GTF2E2: variants seen among roughly 807,000 people sequenced by gnomAD.
GTF2E2 encodes transcription initiation factor IIE subunit beta.
GTF2E2 carries 21 observed loss-of-function variants against 40.5 expected under a neutral mutation model. The ratio of observed to expected loss-of-function variants is 0.52; its 90% CI spans 0.37 to 0.75. GTF2E2 has a LOEUF of 0.75. Ranked by LOEUF, GTF2E2 falls within the 30% of genes least tolerant of loss-of-function variation. The probability of loss-of-function intolerance (pLI) is 0.00; values close to 1 mark genes in which losing one functional copy is unlikely to be tolerated. For synonymous variants in GTF2E2, 117 were observed against 121.6 expected (o/e 0.96, Z 0.25); for missense variants, 298 against 338.4 (o/e 0.88, Z 0.94).
Position 30,607,117 on chromosome 8 carries a change from G to T in GTF2E2, c.583C>A (p.Pro195Thr). The T allele has an allele frequency of 6.7e-7, 1 of 1,482,602 alleles. No individual in the cohort carries two copies. The highest frequency in any genetic ancestry group is 9.3e-7 in the Non-Finnish European group (1 of 1,075,400). The allele number at this position is 1,482,602 out of a possible 1,614,324, so 91.8% of individuals were successfully genotyped here. The part of the protein sequence containing the change: ...LGDQILFVNR[P>T]DKKKILFFND... ...AAGAAAAGTATTTTCTTCTTATCGG[G>T]ACGATTTACAAATAGTATCTGGTCC... Residue 195 changes from proline (P) to threonine (T), a missense_variant, in exon 6 of 8, where the codon CCC becomes ACC. Pro to Thr is a conservative substitution (Grantham distance 38). Coordinates refer to ENST00000355904, the MANE Select transcript of GTF2E2 (RefSeq NM_002095.6).
intron 2 of GTF2E2, among the ~76,000 whole-genome samples, chr8:30,641,507 C>T (rs1050144544): frequency 2.0e-5 from 3 of 152,108 alleles, no homozygotes; most frequent in Admixed American, 6.5e-5. Flanking sequence ...AGACTACAGG[C>T]GCAGGCTATC....
At chr8:30,631,807 A>G (rs2128722842) in intron 3 of GTF2E2, among the ~76,000 whole-genome samples, 1 of 152,302 alleles carries the variant, frequency 6.6e-6, no homozygotes, top group East Asian at 1.9e-4. Context: ...TTTAAAAAGG[A>G]GTAACAGGCC....
At chr8:30,615,946 G>C (rs1412798838) in intron 3 of GTF2E2, among the ~76,000 whole-genome samples, 1 of 152,158 alleles carries the variant, frequency 6.6e-6, no homozygotes, top group African/African-American at 2.4e-5. Flanking sequence ...AGGTGAGTGG[G>C]TAAATAAACC....
intron 3 of GTF2E2, among the ~76,000 whole-genome samples, chr8:30,629,130 A>C (rs1441528456): frequency 6.6e-6 from 1 of 152,196 alleles, no homozygotes; most frequent in African/African-American, 2.4e-5. Flanking sequence ...TGAACAGATT[A>C]AATTGGTTCA....
intron 6 of GTF2E2, among the ~76,000 whole-genome samples, chr8:30,592,004 CT>C (rs1828863835): frequency 6.6e-6 from 1 of 152,156 alleles, no homozygotes; most frequent in Non-Finnish European, 1.5e-5. Flanking sequence ...TTTTGATACA[CT>C]GTGCTTTCAC....
chr8:30,625,846 G>A (rs1297744641), intron 3 of GTF2E2, among the ~76,000 whole-genome samples: 9 of 152,076 alleles, frequency 5.9e-5, no homozygotes, highest in Admixed American at 3.9e-4. Context: ...TCACCCGCCC[G>A]CCTCAGCCTC....
intron 5 of GTF2E2, 104 bp downstream of exon 5, chr8:30,612,195 A>G: frequency 1.3e-6 from 1 of 774,576 alleles, no homozygotes; most frequent in Non-Finnish European, 2.1e-6. Context: ...ATGTGTATAT[A>G]ATAGAAGCTT....
chr8:30,608,454 T>C (rs905585582), intron 5 of GTF2E2, among the ~76,000 whole-genome samples: 2 of 152,242 alleles, frequency 1.3e-5, no homozygotes, highest in Non-Finnish European at 2.9e-5. Context: ...AAGTTTGCTG[T>C]GTTAAATTCT....
At chr8:30,653,673 C>A in intron 1 of GTF2E2, 71 bp from the exon 2 acceptor site, 1 of 1,062,150 alleles carries the variant, frequency 9.4e-7, no homozygotes, top group Non-Finnish European at 1.4e-6. Flanking sequence ...ATCCACAGAT[C>A]TCAACAAGTT....
At chr8:30,614,562 A>C in intron 4 of GTF2E2, 46 bp downstream of exon 4, 2 of 1,093,614 alleles carry the variant, frequency 1.8e-6, no homozygotes, top group Non-Finnish European at 2.8e-6. Context: ...AAAAAAGAAA[A>C]TTCTAGTTAC....
At chr8:30,603,717 C>CA (rs1338971782) in intron 6 of GTF2E2, among the ~76,000 whole-genome samples, 1 of 151,976 alleles carries the variant, frequency 6.6e-6, no homozygotes. Context: ...CTGCTTAGAT[C>CA]AAGTAGTCAA....
At position 30,653,507 on chromosome 8, in the gene GTF2E2, G is replaced by A. The variant is rs774545618; in HGVS notation, c.92C>T (p.Ser31Leu). The A allele has an allele frequency of 1.9e-6, 3 of 1,613,094 alleles. No homozygotes were observed. Among genetic ancestry groups the A allele is most frequent in the Non-Finnish European group, 2.5e-6 (3 of 1,179,098 alleles). The change falls in exon 2 of 8, where the codon TCA becomes TTA. Residue 31 changes from serine to leucine, a missense_variant. Ser to Leu is a moderately radical substitution (Grantham distance 145). Coordinates refer to ENST00000355904, the MANE Select transcript of GTF2E2 (RefSeq NM_002095.6). ...CTTCTTCTTTGACGATGATGATGAT[G>A]ACTCAGAAGATGCTGAACGTTTTTC... ...VVEKRSASSE[S>L]SSSSSKKKKT...
At chr8:30,638,670 G>T (rs1801693797) in intron 2 of GTF2E2, 1 of 152,526 alleles carries the variant, frequency 6.6e-6, no homozygotes, top group South Asian at 2.1e-4. Context: ...TTATTTAGTG[G>T]TACATGTCCT....
At chr8:30,613,090 ATTC>A (rs1829526067) in intron 4 of GTF2E2, among the ~76,000 whole-genome samples, 1 of 152,218 alleles carries the variant, frequency 6.6e-6, no homozygotes, top group Non-Finnish European at 1.5e-5. Flanking sequence ...CTGAACCCAT[ATTC>A]TTCTAGTAGT....
intron 6 of GTF2E2, among the ~76,000 whole-genome samples, chr8:30,582,823 T>C (rs941176337): frequency 1.3e-5 from 2 of 152,228 alleles, no homozygotes; most frequent in Non-Finnish European, 2.9e-5. Context: ...AGGCAAGGTG[T>C]TATCTCTCAG....
intron 3 of GTF2E2, among the ~76,000 whole-genome samples, chr8:30,630,690 G>A (rs995702177): frequency 6.6e-6 from 1 of 152,024 alleles, no homozygotes; most frequent in Admixed American, 6.6e-5. Context: ...ATAAACTCCA[G>A]GGACCCAAAC....
intron 3 of GTF2E2, among the ~76,000 whole-genome samples, chr8:30,616,627 T>A (rs1165766799): frequency 2.6e-5 from 4 of 152,026 alleles, no homozygotes; most frequent in African/African-American, 9.7e-5. Context: ...CCACTAAGGG[T>A]GAACTCATGT....
chr8:30,587,193 T>C (rs902699158), intron 6 of GTF2E2, among the ~76,000 whole-genome samples: 1 of 151,072 alleles, frequency 6.6e-6, no homozygotes, highest in African/African-American at 2.4e-5. Flanking sequence ...GGAAGATTGC[T>C]TGAGCCTAGG....
At chr8:30,597,196 C>T (rs1048103663) in intron 6 of GTF2E2, 1 of 152,298 alleles carries the variant, frequency 6.6e-6, no homozygotes, top group African/African-American at 2.4e-5. Flanking sequence ...GGGCCTAGCA[C>T]ATATTCCTGT....
Sources: gnomAD v4.1 joint callset for allele counts (sites outside exome capture counted in the v4.1 genomes callset) on GRCh38, gnomAD v4.1.1 for gene constraint, MANE v1.5 for transcripts, NCBI Gene and HGNC (gene_info 2026-07-23, HGNC 2026-07-21) for gene names.